AP5Z1: variants seen among roughly 807,000 people sequenced by gnomAD.
AP5Z1 encodes the protein AP-5 complex subunit zeta-1.
Under a neutral mutation model 83.0 loss-of-function variants are expected in AP5Z1, and 106 were observed. The observed-to-expected ratio is 1.28, with a 90% CI of 1.09 to 1.50. The LOEUF is 1.50. AP5Z1 is among the 40% of genes most tolerant of loss of function. AP5Z1 has a pLI of 0.00. For missense variants in AP5Z1, 1,565 were observed against 1,094.2 expected (o/e 1.43, Z -6.07); for synonymous variants, 751 against 514.1 (o/e 1.46, Z -6.23).
rs1303426299 is a variant in AP5Z1, at chr7:4,775,645, G to C, written c.-71G>C. ...CGTGACGCGGTCCCGGAAGTTGACC[G>C]GGGTGCGGAGCTCCTGGGCTGCAGC... On this transcript the variant is annotated 5_prime_UTR_variant, in exon 1 of 17. Transcript: ENST00000649063. The C allele has an allele frequency of 2.8e-5, 45 of 1,592,412 alleles. 1 individual carries two copies. The Admixed American group carries it at 6.7e-4, about 24-fold the overall frequency.
At chr7:4,783,589 T>C (rs1781445867) in intron 4 of AP5Z1, 100 bp from the exon 5 acceptor site, 1 of 1,523,084 alleles carries the variant, frequency 6.6e-7, no homozygotes, top group East Asian at 2.4e-5. Context: ...TTTGGGACGC[T>C]GCAGGATTCT....
In AP5Z1 at chr7:4,794,205, G is replaced by C. The variant is rs1407720615; in HGVS notation, c.*2820G>C. On this transcript the variant is annotated 3_prime_UTR_variant, in exon 17 of 17. Coordinates refer to ENST00000649063, the MANE Select transcript of AP5Z1 (RefSeq NM_014855.3). The stretch of plus-strand genomic sequence containing the variant: ...ATGGAGAACCTTTGTGTCTAGCTCA[G>C]GGATTGTAAACGCACCAATCAGCAC... 6.6e-6 allele frequency: 1 copy of C among 152,140 alleles called. No individual in the cohort carries two copies. The highest frequency in any genetic ancestry group is 2.4e-5 in the African/African-American group (1 of 41,394). 9.4% of individuals were successfully genotyped at this position (152,140 alleles called of 1,614,324 possible).
At position 4,791,244 on chromosome 7, in the gene AP5Z1, T is replaced by C. The variant is rs761867310; in HGVS notation, c.2283T>C (p.Pro761=). 6.2e-7 allele frequency: 1 copy of C among 1,612,772 alleles called. No homozygotes were observed. The highest frequency in any genetic ancestry group is 2.2e-5 in the East Asian group (1 of 44,882). ...ATELLTLLKM[P]SVAQFVLTPS... ...AGCTGCTGACCCTGCTGAAGATGCC[T>C]AGCGTGGCCCAGTTTGTGCTCACAC... The change falls in exon 17 of 17, where the codon CCT becomes CCC. Residue 761 remains proline (P), a synonymous_variant. Transcript: ENST00000649063.
Position 4,792,423 on chromosome 7 carries a change from A to AGGCTGAAGGC in AP5Z1, c.*1040_*1049dup, listed in dbSNP as rs1367585146. On this transcript the variant is annotated 3_prime_UTR_variant, in exon 17 of 17. Coordinates refer to ENST00000649063, the MANE Select transcript of AP5Z1 (RefSeq NM_014855.3). ...CATAGCTCTGCGACTAAGAAACCAC[A>AGGCTGAAGGC]GGCTGAAGGCGACTGCAGGGTCCTG... The AGGCTGAAGGC allele has an allele frequency of 6.9e-6, 1 of 144,578 alleles. No homozygotes were observed. The highest frequency in any genetic ancestry group is 1.5e-5 in the Non-Finnish European group (1 of 66,768). The allele number at this position is 144,578 out of a possible 1,614,324, so 9.0% of individuals were successfully genotyped here.
At position 4,781,752 on chromosome 7, in the gene AP5Z1, C is replaced by T. The variant is rs1421692278; in HGVS notation, c.364C>T (p.Gln122Ter). The T allele has an allele frequency of 6.4e-7, 1 of 1,557,362 alleles. No homozygotes were observed. The highest frequency in any genetic ancestry group is 8.8e-7 in the Non-Finnish European group (1 of 1,142,710). ...LSLVASVLLA[Q>*]GDRNEEVRAV... Reference sequence around the variant, plus strand: ...CCTGGTGGCCTCCGTTCTCTTGGCCCAGGTAGCGCAGCAGTCACCACCCCA... The same window carrying T: ...CCTGGTGGCCTCCGTTCTCTTGGCCTAGGTAGCGCAGCAGTCACCACCCCA... The change falls in exon 3 of 17, where the codon CAG becomes TAG. Residue 122 changes from glutamine (Q) to a stop codon, truncating the protein, a stop_gained and splice_region_variant. Coordinates refer to ENST00000649063, the MANE Select transcript of AP5Z1 (RefSeq NM_014855.3). LOFTEE classifies it high-confidence loss of function.
rs772324497 is a variant in AP5Z1, at chr7:4,783,816, C to T, written c.621+18C>T. On this transcript the variant is annotated intron_variant, in intron 5 of 16. Coordinates refer to ENST00000649063, the MANE Select transcript of AP5Z1 (RefSeq NM_014855.3). ...CCCGGCAGGTGAGGCTGGGACTGTT[C>T]TGGAACCATGGGGAACAGAGTCACA... 1.9e-6 allele frequency: 3 copies of T among 1,542,820 alleles called. No individual in the cohort carries two copies. The highest frequency in any genetic ancestry group is 2.4e-5 in the South Asian group (2 of 83,982).
chr7:4,789,563 G>C (rs1370123980), intron 13 of AP5Z1, among the ~76,000 whole-genome samples: 4 of 152,248 alleles, frequency 2.6e-5, no homozygotes, highest in Non-Finnish European at 5.9e-5. Context: ...AACAAGACGT[G>C]TGCCTGGCCT....
intron 4 of AP5Z1, 43 bp downstream of exon 4, chr7:4,783,503 C>G (rs779621402): frequency 3.8e-6 from 6 of 1,599,568 alleles, no homozygotes; most frequent in Non-Finnish European, 5.1e-6. Flanking sequence ...GGTCTGCCTT[C>G]CCAGGTCCTT....
Position 4,791,592 on chromosome 7 carries a change from CA to C in AP5Z1, c.*209del. Reference sequence around the variant, plus strand: ...TGTCTCCGAGCCTTTTGCTCCCAGGCAACACTGAGCTGAGCTGAGGGGTGCC... The same window carrying C: ...TGTCTCCGAGCCTTTTGCTCCCAGGCACACTGAGCTGAGCTGAGGGGTGCC... On this transcript the variant is annotated 3_prime_UTR_variant, in exon 17 of 17. Coordinates refer to ENST00000649063, the MANE Select transcript of AP5Z1 (RefSeq NM_014855.3). 1 of 724,246 alleles carries C rather than the reference CA, an allele frequency of 1.4e-6. No individual in the cohort carries two copies. Among genetic ancestry groups the C allele is most frequent in the Non-Finnish European group, 2.2e-6 (1 of 453,974 alleles). 44.9% of individuals were successfully genotyped at this position (724,246 alleles called of 1,614,324 possible).
rs760734290 is a variant in AP5Z1 at position 4,790,688 on chromosome 7, G to A, written c.1954G>A (p.Glu652Lys). Residue 652 changes from glutamate to lysine, a missense_variant, in exon 16 of 17, where the codon GAG becomes AAG. Transcript: ENST00000649063. Reference protein sequence around the residue: ...LVTSVVWAIGEYLSVTYDRRC... With the variant: ...LVTSVVWAIGKYLSVTYDRRC... ...CCGGGCCTAGGTGTGGGCCATCGGC[G>A]AGTACCTGTCGGTGACCTACGATCG... 1.2e-5 allele frequency: 20 copies of A among 1,611,904 alleles called. No individual in the cohort carries two copies. The Admixed American group carries it at 2.0e-4, about 16-fold the overall frequency.
rs776183477 is a variant in AP5Z1 at position 4,783,300 on chromosome 7, C to G, written c.367-16C>G. On this transcript the variant is annotated splice_polypyrimidine_tract_variant and intron_variant, in intron 3 of 16. Transcript: ENST00000649063. ...CACAGGCCAGTACCCCAGCGTTTGC[C>G]CTGTTTGATTTGAAGGGTGACAGAA... 1 of 1,593,214 alleles carries G rather than the reference C, an allele frequency of 6.3e-7. No individual in the cohort carries two copies. Among genetic ancestry groups the G allele is most frequent in the Non-Finnish European group, 8.6e-7 (1 of 1,169,152 alleles).
rs1488741203 is a variant in AP5Z1, at chr7:4,775,634, G to A, written c.-82G>A. Reference sequence around the variant, plus strand: ...CGCTGCGCTCACGTGACGCGGTCCCGGAAGTTGACCGGGGTGCGGAGCTCC... The same window carrying A: ...CGCTGCGCTCACGTGACGCGGTCCCAGAAGTTGACCGGGGTGCGGAGCTCC... On this transcript the variant is annotated 5_prime_UTR_variant, in exon 1 of 17. Coordinates refer to ENST00000649063, the MANE Select transcript of AP5Z1 (RefSeq NM_014855.3). 2 of 1,583,460 alleles carry A rather than the reference G, an allele frequency of 1.3e-6. No individual in the cohort carries two copies. Among genetic ancestry groups the A allele is most frequent in the African/African-American group, 1.3e-5 (1 of 74,506 alleles).
At chr7:4,787,904 G>A in intron 11 of AP5Z1, 128 bp downstream of exon 11, 1 of 1,256,770 alleles carries the variant, frequency 8.0e-7, no homozygotes, top group Non-Finnish European at 1.1e-6. Flanking sequence ...CACCTGACCA[G>A]TCCTCCCCTG....
At chr7:4,784,766 G>A in intron 6 of AP5Z1, 142 bp from the exon 7 acceptor site, 2 of 1,180,534 alleles carry the variant, frequency 1.7e-6, no homozygotes, top group Non-Finnish European at 2.3e-6. Flanking sequence ...CGGGTGGGTG[G>A]ACGTCCTGAG....
chr7:4,776,865 G>A lies in AP5Z1; in HGVS notation c.41+1109G>A, dbSNP rs535629329. 1.1e-4 allele frequency among the ~76,000 whole-genome samples: 16 copies of A among 152,300 alleles called. No individual in the cohort carries two copies. In the East Asian group the frequency reaches 3.1e-3, roughly 29 times the overall value. ...GAACCCAGGAGGCCGAGGGTGCAGT[G>A]AGCCAAGATCGCACCACTGGACTCC... On this transcript the variant is annotated intron_variant, in intron 1 of 16. Coordinates refer to ENST00000649063, the MANE Select transcript of AP5Z1 (RefSeq NM_014855.3).
In AP5Z1 at chr7:4,785,436, C is replaced by G; in HGVS notation, c.953C>G (p.Ser318Cys). The change falls in exon 8 of 17, where the codon TCC (serine) becomes TGC (cysteine). Residue 318 changes from serine to cysteine, a missense_variant. By Grantham distance (112) the Ser-to-Cys change is moderately radical. Transcript: ENST00000649063. ...SNRRALRKGD[S>C]DLQKACLVEA... ...CCAGGAGCCCTGAGGAAGGGGGACTCCGACCTGCAGAAAGCTGTAAGTGGC... is the reference window on the plus strand; with the variant it reads ...CCAGGAGCCCTGAGGAAGGGGGACTGCGACCTGCAGAAAGCTGTAAGTGGC... 3 of 1,613,370 alleles carry G rather than the reference C, an allele frequency of 1.9e-6. No individual in the cohort carries two copies. The highest frequency in any genetic ancestry group is 1.1e-5 in the South Asian group (1 of 91,004).
rs1249182382 is a variant in AP5Z1, at chr7:4,789,820, C to G, written c.1708-12C>G. Reference sequence around the variant, plus strand: ...GGTGGGGCTGAGCCTGTTTCCCACTCCTGACCCCCAGGTGGCTGACGGGTC... The same window carrying G: ...GGTGGGGCTGAGCCTGTTTCCCACTGCTGACCCCCAGGTGGCTGACGGGTC... On this transcript the variant is annotated splice_polypyrimidine_tract_variant and intron_variant, in intron 13 of 16. Coordinates refer to ENST00000649063, the MANE Select transcript of AP5Z1 (RefSeq NM_014855.3). The G allele has an allele frequency of 6.5e-7, 1 of 1,550,170 alleles. No homozygotes were observed. Among genetic ancestry groups the G allele is most frequent in the Non-Finnish European group, 8.7e-7 (1 of 1,146,564 alleles).
In AP5Z1 at chr7:4,790,843, C is replaced by A. The variant is rs1244202957; in HGVS notation, c.2109C>A (p.Thr703=). Residue 703 remains threonine (T), a synonymous_variant, in exon 16 of 17, where the codon ACC becomes ACA. Coordinates refer to ENST00000649063, the MANE Select transcript of AP5Z1 (RefSeq NM_014855.3). ...CCCAGGTGGTCACCGTGCTGATGAC[C>A]ACGCTGACGAAGCTGGCCTCCCGGA... The part of the protein sequence containing the change: ...CPPQVVTVLM[T]TLTKLASRSQ... 5.6e-6 allele frequency: 9 copies of A among 1,608,768 alleles called. No individual in the cohort carries two copies. The African/African-American group carries it at 1.1e-4, about 19-fold the overall frequency.
At chr7:4,777,958 C>A (rs1781270549) in intron 1 of AP5Z1, among the ~76,000 whole-genome samples, 1 of 152,220 alleles carries the variant, frequency 6.6e-6, no homozygotes, top group Non-Finnish European at 1.5e-5. Context: ...CTGGCCCACG[C>A]CTGTAATCCG....
Sources: gnomAD v4.1 joint callset for allele counts (sites outside exome capture counted in the v4.1 genomes callset) on GRCh38, gnomAD v4.1.1 for gene constraint, MANE v1.5 for transcripts, NCBI Gene and HGNC (gene_info 2026-07-23, HGNC 2026-07-21) for gene names.